IKZF1: variants seen among roughly 807,000 people sequenced by gnomAD.
The protein encoded by IKZF1 is IKAROS family zinc finger 1.
In IKZF1, 10 loss-of-function variants were observed where a neutral mutation model predicts 51.7. The observed-to-expected ratio is 0.19, with a 90% CI of 0.12 to 0.33. The LOEUF (loss-of-function observed/expected upper bound fraction) is 0.33. Ranked by LOEUF, IKZF1 falls within the 10% of genes least tolerant of loss-of-function variation. The pLI, the probability that IKZF1 is intolerant of heterozygous loss-of-function variation, is 1.00. For missense variants in IKZF1, 484 were observed against 707.5 expected, an observed-to-expected ratio of 0.68 and a Z score of 3.58; for synonymous variants, 280 against 282.3, an observed-to-expected ratio of 0.99 and a Z score of 0.08.
chr7:50,304,557 C>A (rs1270665608), upstream of IKZF1: 1 of 150,706 alleles, frequency 6.6e-6, no homozygotes, highest in Non-Finnish European at 1.5e-5. Context: ...CGGCGCTGTG[C>A]GCGCGGGGCA....
rs2153468615 is a variant in IKZF1, at chr7:50,376,549, A to G, written c.177A>G (p.Val59=). 1.2e-6 allele frequency: 2 copies of G among 1,613,858 alleles called. No homozygotes were observed. Among genetic ancestry groups the G allele is most frequent in the Non-Finnish European group, 1.7e-6 (2 of 1,179,850 alleles). Residue 59 remains valine, a synonymous_variant, in exon 4 of 8, where the codon GTA becomes GTG. Coordinates refer to ENST00000331340, the MANE Select transcript of IKZF1 (RefSeq NM_006060.6). This position sits in a 1 kb window ranked among gnomAD's most constrained non-coding sequence, Gnocchi z 4.5. ...TTCTTTCAGCCAGTAATGTTAAAGT[A>G]GAGACTCAGAGTGATGAAGAGAATG... is the stretch of plus-strand genomic sequence containing the variant. ...SDRVVASNVK[V]ETQSDEENGR...
chr7:50,312,751 T>C (rs1790505321), intron 1 of IKZF1, among the ~76,000 whole-genome samples: 1 of 152,252 alleles, frequency 6.6e-6, no homozygotes, highest in Non-Finnish European at 1.5e-5. Flanking sequence ...TAAAAAATGC[T>C]AGGACAGAAT....
intron 3 of IKZF1, among the ~76,000 whole-genome samples, chr7:50,332,063 C>T (rs1796546152): frequency 6.6e-6 from 1 of 152,170 alleles, no homozygotes; most frequent in African/African-American, 2.4e-5. Context: ...AGGATGCACT[C>T]AGTGACCTCT....
In IKZF1 at chr7:50,401,465, GC is replaced by G. The variant is rs1375808625; in HGVS notation, c.*843del. 8.9e-6 allele frequency: 2 copies of G among 224,714 alleles called. No individual in the cohort carries two copies. Among genetic ancestry groups the G allele is most frequent in the African/African-American group, 4.5e-5 (2 of 44,826 alleles). 13.9% of individuals were successfully genotyped at this position (224,714 alleles called of 1,614,324 possible). A position where few individuals can be genotyped will look rare whatever the true frequency, so the allele number is the denominator to read the frequency against. On this transcript the variant is annotated 3_prime_UTR_variant, in exon 8 of 8. Transcript: ENST00000331340. ...CTTTTTCACTCCCATACCTTTAATG[GC>G]CCCCAAAATCTGTCACTACAATTTA...
At chr7:50,370,886 G>C (rs964786035) in intron 3 of IKZF1, among the ~76,000 whole-genome samples, 1 of 152,160 alleles carries the variant, frequency 6.6e-6, no homozygotes, top group African/African-American at 2.4e-5. Context: ...TATCTTCAGG[G>C]AGATGTACCA....
chr7:50,334,853 G>A (rs1465210451), intron 3 of IKZF1, among the ~76,000 whole-genome samples: 1 of 149,064 alleles, frequency 6.7e-6, no homozygotes, highest in Non-Finnish European at 1.5e-5. Context: ...GTGTATGTGT[G>A]GGGTATGTGT....
intron 3 of IKZF1, among the ~76,000 whole-genome samples, chr7:50,341,997 A>G (rs910028808): frequency 3.3e-5 from 5 of 152,156 alleles, no homozygotes; most frequent in Non-Finnish European, 7.3e-5. Flanking sequence ...AACTTTTTAG[A>G]TTAACCCTTG....
chr7:50,350,654 G>A (rs541241518), intron 3 of IKZF1, among the ~76,000 whole-genome samples: 11 of 152,342 alleles, frequency 7.2e-5, no homozygotes, highest in African/African-American at 2.2e-4. Context: ...GTGCTTAACC[G>A]TTAGAAATGT....
rs1244168748 is a variant in IKZF1, at chr7:50,401,457, C to T, written c.*830C>T. The T allele has an allele frequency of 8.9e-6, 2 of 225,382 alleles. No homozygotes were observed. The highest frequency in any genetic ancestry group is 4.5e-5 in the African/African-American group (2 of 44,922). The allele number at this position is 225,382 out of a possible 1,614,324, so 14.0% of individuals were successfully genotyped here. A position where few individuals can be genotyped will look rare whatever the true frequency, so the allele number is the denominator to read the frequency against. ...GTTCCCCGCTTTTTCACTCCCATAC[C>T]TTTAATGGCCCCCAAAATCTGTCAC... On this transcript the variant is annotated 3_prime_UTR_variant, in exon 8 of 8. Coordinates refer to ENST00000331340, the MANE Select transcript of IKZF1 (RefSeq NM_006060.6).
chr7:50,303,518 G>A (rs1788068087), upstream of IKZF1, among the ~76,000 whole-genome samples: 1 of 152,202 alleles, frequency 6.6e-6, no homozygotes, highest in African/African-American at 2.4e-5. The surrounding 1 kb of genome is among the most constrained non-coding windows in gnomAD (Gnocchi z 4.7). Context: ...CCGTGAGCAG[G>A]TGGGAGGGAA....
Position 50,376,922 on chromosome 7 carries a change from C to T in IKZF1, c.421+129C>T, listed in dbSNP as rs565353755. The T allele has an allele frequency of 1.9e-5, 28 of 1,449,522 alleles. No homozygotes were observed. Among genetic ancestry groups the T allele is most frequent in the East Asian group, 4.9e-5 (2 of 40,972 alleles). The allele number at this position is 1,449,522 out of a possible 1,614,324, so 89.8% of individuals were successfully genotyped here. On this transcript the variant is annotated intron_variant, in intron 4 of 7. Coordinates refer to ENST00000331340, the MANE Select transcript of IKZF1 (RefSeq NM_006060.6). The surrounding 1 kb of genome is among the most constrained non-coding windows in gnomAD (Gnocchi z 4.5). ...TGACTGGTAGCTCAGTTGTTGCAAG[C>T]GATTGGTTCCAAGTGGTACCGAGTC...
intron 2 of IKZF1, among the ~76,000 whole-genome samples, chr7:50,323,772 A>T (rs1418969848): frequency 6.6e-6 from 1 of 152,176 alleles, no homozygotes; most frequent in East Asian, 1.9e-4. Context: ...CGCAATATAT[A>T]CCTTATGTTT....
chr7:50,327,866 A>G (rs1486140623), intron 3 of IKZF1, 109 bp downstream of exon 3: 3 of 1,238,832 alleles, frequency 2.4e-6, no homozygotes, highest in Non-Finnish European at 3.3e-6. Flanking sequence ...TGTTCCCTCA[A>G]CTGGCATATT....
intron 3 of IKZF1, among the ~76,000 whole-genome samples, chr7:50,339,401 A>G (rs1001844332): frequency 6.6e-6 from 1 of 152,176 alleles, no homozygotes; most frequent in Non-Finnish European, 1.5e-5. Flanking sequence ...TAGACTCTCC[A>G]TATTCTAAAC....
In IKZF1 at chr7:50,319,052, C is replaced by A. The variant is rs748072860; in HGVS notation, c.-10C>A. On this transcript the variant is annotated 5_prime_UTR_variant, in exon 2 of 8. Coordinates refer to ENST00000331340, the MANE Select transcript of IKZF1 (RefSeq NM_006060.6). ...ATCCCTTCCTCTCTTTCTCAGATAA[C>A]CTGAGGACCATGGATGCTGATGAGG... is the stretch of plus-strand genomic sequence containing the variant. 3 of 1,610,098 alleles carry A rather than the reference C, an allele frequency of 1.9e-6. No homozygotes were observed. Among genetic ancestry groups the A allele is most frequent in the East Asian group, 4.5e-5 (2 of 44,860 alleles).
chr7:50,305,997 C>T (rs1224977058), intron 1 of IKZF1, among the ~76,000 whole-genome samples: 2 of 152,196 alleles, frequency 1.3e-5, no homozygotes, highest in East Asian at 1.9e-4. Flanking sequence ...TTTTATTGTA[C>T]TCATCTTTTA....
rs531637815 is a variant in IKZF1, at chr7:50,390,070, T to C, written c.716-1659T>C. Among the ~76,000 whole-genome samples the C allele has an allele frequency of 3.9e-5, 6 of 152,338 alleles. No individual in the cohort carries two copies. In the East Asian group the frequency reaches 1.2e-3, roughly 29 times the overall value. The stretch of plus-strand genomic sequence containing the variant: ...TTTCTCAATGTCTTTATGGAAAAAA[T>C]AAGTTTCTCTTGAGCCTTTGGTGCA... On this transcript the variant is annotated intron_variant, in intron 6 of 7. Coordinates refer to ENST00000331340, the MANE Select transcript of IKZF1 (RefSeq NM_006060.6).
intron 3 of IKZF1, among the ~76,000 whole-genome samples, chr7:50,352,497 A>C (rs1802106661): frequency 6.6e-6 from 1 of 152,200 alleles, no homozygotes; most frequent in Admixed American, 6.5e-5. Flanking sequence ...CTCAGAGATC[A>C]GTTTTACTTT....
chr7:50,400,808 A>C lies in IKZF1; in HGVS notation c.*181A>C, dbSNP rs1817984528. ...GATTGGGGTTTGATTTGCTTTTGAA[A>C]AGATTTTTATTTTTAGAGGCAGGGC... On this transcript the variant is annotated 3_prime_UTR_variant, in exon 8 of 8. Transcript: ENST00000331340. This position sits in a 1 kb window ranked among gnomAD's most constrained non-coding sequence, Gnocchi z 5.4. 1 of 800,510 alleles carries C rather than the reference A, an allele frequency of 1.2e-6. No homozygotes were observed. The highest frequency in any genetic ancestry group is 1.9e-6 in the Non-Finnish European group (1 of 521,932). 49.6% of individuals were successfully genotyped at this position (800,510 alleles called of 1,614,324 possible). A position where few individuals can be genotyped will look rare whatever the true frequency, so the allele number is the denominator to read the frequency against.
Sources: gnomAD v4.1 joint callset for allele counts (sites outside exome capture counted in the v4.1 genomes callset) on GRCh38, gnomAD v4.1.1 for gene constraint, Gnocchi (gnomAD v3.1) non-coding constraint, MANE v1.5 for transcripts, NCBI Gene and HGNC (gene_info 2026-07-23, HGNC 2026-07-21) for gene names.